The following CPVL variants were observed in gnomAD, a reference collection of about 807,000 sequenced individuals.
CPVL encodes the protein probable serine carboxypeptidase CPVL.
A neutral mutation model predicts 63.7 loss-of-function variants in CPVL; 51 were observed. The ratio of observed to expected loss-of-function variants is 0.80; its 90% CI spans 0.64 to 1.01. The LOEUF is 1.01. Among genes scored for constraint, CPVL ranks in the 50% least tolerant of loss-of-function variants. The pLI, the probability that CPVL is intolerant of heterozygous loss-of-function variation, is 0.00. For missense variants in CPVL, 530 were observed against 573.1 expected, an observed-to-expected ratio of 0.92 and a Z score of 0.77; for synonymous variants, 195 against 206.0, an observed-to-expected ratio of 0.95 and a Z score of 0.46.
intron 1 of CPVL, among the ~76,000 whole-genome samples, chr7:29,144,403 A>T (rs1183747044): frequency 1.3e-5 from 2 of 152,102 alleles, no homozygotes; most frequent in Non-Finnish European, 2.9e-5. Context: ...TCTACCAAAG[A>T]TACAAAAATT....
At position 29,096,136 on chromosome 7, in the gene CPVL, G is replaced by A. The variant is rs1336769170; in HGVS notation, c.370C>T (p.His124Tyr). 2 of 1,614,148 alleles carry A rather than the reference G, an allele frequency of 1.2e-6. No homozygotes were observed. Among genetic ancestry groups the A allele is most frequent in the Non-Finnish European group, 1.7e-6 (2 of 1,179,984 alleles). Reference sequence around the variant, plus strand: ...TTACTTGTGACAACATAAGGCCCATGTTCCACAAAGAGTCCAAACATGGAT... The same window carrying A: ...TTACTTGTGACAACATAAGGCCCATATTCCACAAAGAGTCCAAACATGGAT... The part of the protein sequence containing the change: ...GSSMFGLFVE[H>Y]GPYVVTSNMT... The change falls in exon 4 of 13, where the codon CAT becomes TAT. Residue 124 changes from histidine (H) to tyrosine (Y), a missense_variant. By Grantham distance (83) the His-to-Tyr change is moderately conservative. Coordinates refer to ENST00000265394, the MANE Select transcript of CPVL (RefSeq NM_031311.5).
intron 1 of CPVL, among the ~76,000 whole-genome samples, chr7:29,140,516 CA>C (rs1481113170): frequency 6.6e-6 from 1 of 152,212 alleles, no homozygotes; most frequent in Admixed American, 6.5e-5. Context: ...TGTCATAAAG[CA>C]TGAGGAATGC....
chr7:29,024,870 C>T (rs1049314402), intron 12 of CPVL, among the ~76,000 whole-genome samples: 7 of 152,158 alleles, frequency 4.6e-5, no homozygotes, highest in Non-Finnish European at 8.8e-5. Flanking sequence ...AGTGAAAAGA[C>T]GATACCTACC....
At chr7:29,049,273 G>A (rs551873382) in intron 11 of CPVL, among the ~76,000 whole-genome samples, 4 of 152,102 alleles carry the variant, frequency 2.6e-5, no homozygotes, top group African/African-American at 9.6e-5. Flanking sequence ...TAGACCATTA[G>A]CAAGATTAAC....
intron 11 of CPVL, among the ~76,000 whole-genome samples, chr7:29,039,147 A>T (rs1400315728): frequency 6.6e-6 from 1 of 152,240 alleles, no homozygotes; most frequent in Non-Finnish European, 1.5e-5. Flanking sequence ...GTTTCACTTA[A>T]ACCTTTCTAA....
At chr7:28,999,702 G>T (rs998939602) in intron 12 of CPVL, among the ~76,000 whole-genome samples, 1 of 152,196 alleles carries the variant, frequency 6.6e-6, no homozygotes, top group African/African-American at 2.4e-5. Context: ...GCTGCCATGT[G>T]TAATGACCCT....
chr7:29,014,414 C>G (rs1387653723), intron 12 of CPVL, among the ~76,000 whole-genome samples: 1 of 152,162 alleles, frequency 6.6e-6, no homozygotes, highest in Non-Finnish European at 1.5e-5. Context: ...CTCACTGCGC[C>G]TCGACCTCCT....
chr7:29,030,692 C>A lies in CPVL; in HGVS notation c.1205G>T (p.Gly402Val), dbSNP rs1330663788. 7 of 1,613,812 alleles carry A rather than the reference C, an allele frequency of 4.3e-6. No homozygotes were observed. Among genetic ancestry groups the A allele is most frequent in the Non-Finnish European group, 5.9e-6 (7 of 1,179,864 alleles). The change falls in exon 12 of 13, where the codon GGC becomes GTC. Residue 402 changes from glycine to valine, a missense_variant. By Grantham distance (109) the Gly-to-Val change is moderately radical. Coordinates refer to ENST00000265394, the MANE Select transcript of CPVL (RefSeq NM_031311.5). ...TTCCTGGGATCCTTTCCAGTCCATG[C>A]CCATCAAGGAGCGCTCTGTCAGGGC... ...AAALTERSLM[G>V]MDWKGSQEYK...
intron 1 of CPVL, chr7:29,193,258 A>T (rs896407497): frequency 6.7e-6 from 1 of 148,262 alleles, no homozygotes; most frequent in African/African-American, 2.5e-5. Context: ...TCCTGGAGGG[A>T]TTTTTTTTTT....
intron 1 of CPVL, chr7:29,124,882 A>T (rs1432549743): frequency 6.6e-6 from 1 of 152,144 alleles, no homozygotes; most frequent in Non-Finnish European, 1.5e-5. Context: ...CAACTGCTAG[A>T]CATGGCAGAA....
At chr7:29,190,792 C>A (rs1326765690) in intron 1 of CPVL, among the ~76,000 whole-genome samples, 2 of 152,160 alleles carry the variant, frequency 1.3e-5, no homozygotes, top group African/African-American at 4.8e-5. Context: ...AACTGGCATA[C>A]AAGAGAACCA....
chr7:29,094,152 C>G (rs1166407530), intron 5 of CPVL, among the ~76,000 whole-genome samples: 3 of 152,020 alleles, frequency 2.0e-5, no homozygotes, highest in African/African-American at 7.2e-5. Context: ...ACCAGCCTGG[C>G]CAACATGGTG....
At chr7:29,083,922 A>G (rs1410826609) in intron 7 of CPVL, among the ~76,000 whole-genome samples, 1 of 151,264 alleles carries the variant, frequency 6.6e-6, no homozygotes, top group Non-Finnish European at 1.5e-5. Context: ...TACTTGTCTA[A>G]TTTTTTCCTT....
chr7:29,111,201 T>C lies in CPVL; in HGVS notation c.288+1503A>G, dbSNP rs181519943. 2.1e-4 allele frequency among the ~76,000 whole-genome samples: 32 copies of C among 152,348 alleles called. No homozygotes were observed. The East Asian group carries it at 4.6e-3, about 22-fold the overall frequency. On this transcript the variant is annotated intron_variant, in intron 3 of 12. Transcript: ENST00000265394. ...ACTGCAGATAAATGACTGCATTCAATGACATCAATAGATATGATATAAAAA... is the reference window on the plus strand; with the variant it reads ...ACTGCAGATAAATGACTGCATTCAACGACATCAATAGATATGATATAAAAA...
rs1786377384 is a variant in CPVL at position 29,096,120 on chromosome 7, A to G, written c.386T>C (p.Val129Ala). 6.2e-7 allele frequency: 1 copy of G among 1,613,848 alleles called. No homozygotes were observed. Among genetic ancestry groups the G allele is most frequent in the Non-Finnish European group, 8.5e-7 (1 of 1,179,678 alleles). Reference protein sequence around the residue: ...GLFVEHGPYVVTSNMTLRDRD... With the variant: ...GLFVEHGPYVATSNMTLRDRD... ...ATACTTACAGGTCATGTTACTTGTG[A>G]CAACATAAGGCCCATGTTCCACAAA... The change falls in exon 4 of 13, where the codon GTC becomes GCC. Residue 129 changes from valine to alanine, a missense_variant. Transcript: ENST00000265394.
chr7:29,049,697 G>A (rs1453048871), intron 11 of CPVL, among the ~76,000 whole-genome samples: 1 of 151,950 alleles, frequency 6.6e-6, no homozygotes, highest in Non-Finnish European at 1.5e-5. Flanking sequence ...CCAAAACCAG[G>A]AAAGGACATA....
chr7:29,049,631 TAGAG>T (rs1237588404), intron 11 of CPVL, among the ~76,000 whole-genome samples: 3 of 152,030 alleles, frequency 2.0e-5, no homozygotes, highest in Non-Finnish European at 4.4e-5. Context: ...TTCCACGACA[TAGAG>T]AAAGAGGGAA....
intron 11 of CPVL, among the ~76,000 whole-genome samples, chr7:29,060,634 C>T (rs184068500): frequency 5.9e-5 from 9 of 152,270 alleles, no homozygotes; most frequent in Admixed American, 3.9e-4. Flanking sequence ...TATGTTTTCA[C>T]GTAGCTTACA....
At chr7:29,095,038 C>T (rs1786250660) in intron 5 of CPVL, 46 bp downstream of exon 5, 1 of 1,403,148 alleles carries the variant, frequency 7.1e-7, no homozygotes, top group Non-Finnish European at 1.0e-6. Flanking sequence ...AAATAAAAGA[C>T]AGGAGACGCC....
Sources: gnomAD v4.1 joint callset for allele counts (sites outside exome capture counted in the v4.1 genomes callset) on GRCh38, gnomAD v4.1.1 for gene constraint, MANE v1.5 for transcripts, NCBI Gene and HGNC (gene_info 2026-07-23, HGNC 2026-07-21) for gene names.